TOMM40: variants seen among roughly 807,000 people sequenced by gnomAD.
TOMM40 encodes the protein mitochondrial import receptor subunit TOM40 homolog.
In TOMM40, 9 loss-of-function variants were observed where a neutral mutation model predicts 38.4. The observed-to-expected ratio is 0.23, with a 90% confidence interval of 0.14 to 0.41. The LOEUF is 0.41. Ranked by LOEUF, TOMM40 falls within the 10% of genes least tolerant of loss-of-function variation. The pLI is 1.00. For synonymous variants in TOMM40, 184 were observed against 210.0 expected, an observed-to-expected ratio of 0.88 and a Z score of 1.07; for missense variants, 299 against 486.5, an observed-to-expected ratio of 0.61 and a Z score of 3.63.
At position 44,903,226 on chromosome 19, in the gene TOMM40, C is replaced by G; in HGVS notation, c.*57C>G. ...CGATTCCACCTCCACCTCCACCTCC[C>G]CCTGCCACAGAGGGGAGACCTGAGC... On this transcript the variant is annotated 3_prime_UTR_variant, in exon 9 of 9. Coordinates refer to ENST00000426677, the MANE Select transcript of TOMM40 (RefSeq NM_001128917.2). The G allele has an allele frequency of 6.4e-7, 1 of 1,550,742 alleles. No individual in the cohort carries two copies. Among genetic ancestry groups the G allele is most frequent in the Non-Finnish European group, 8.7e-7 (1 of 1,146,520 alleles).
intron 4 of TOMM40, 21 bp from the exon 5 acceptor site, chr19:44,893,940 C>T: frequency 6.3e-7 from 1 of 1,594,602 alleles, no homozygotes. Flanking sequence ...GAGCCGCCCT[C>T]ACACCCCCTC....
chr19:44,897,997 A>T (rs1056699688), intron 5 of TOMM40, among the ~76,000 whole-genome samples: 1 of 152,080 alleles, frequency 6.6e-6, no homozygotes, highest in African/African-American at 2.4e-5. Context: ...AAGGAGAGTC[A>T]CACAGTCGCT....
At chr19:44,901,414 C>T in intron 8 of TOMM40, 104 bp downstream of exon 8, 2 of 1,519,598 alleles carry the variant, frequency 1.3e-6, no homozygotes, top group Non-Finnish European at 1.8e-6. Flanking sequence ...TGCTGCCACC[C>T]TGTGGGCCTC....
intron 5 of TOMM40, among the ~76,000 whole-genome samples, chr19:44,898,511 CT>C (rs34896370): frequency 3.7e-4 from 36 of 98,524 alleles, no homozygotes; most frequent in South Asian, 2.5e-3. Context: ...TGTGTTGTTT[CT>C]TTTTTTTTTT....
chr19:44,894,410 C>T (rs574403266), intron 5 of TOMM40, among the ~76,000 whole-genome samples: 6 of 152,012 alleles, frequency 3.9e-5, no homozygotes, highest in African/African-American at 1.2e-4. Context: ...TACAGGCATG[C>T]GCTACCACGC....
intron 5 of TOMM40, among the ~76,000 whole-genome samples, chr19:44,894,888 C>A (rs927513662): frequency 7.9e-5 from 12 of 152,110 alleles, no homozygotes; most frequent in Non-Finnish European, 1.8e-4. Context: ...CTCACAGGAC[C>A]CTGCAGCTGG....
chr19:44,899,945 T>C (rs1169231379), intron 5 of TOMM40, among the ~76,000 whole-genome samples: 1 of 151,904 alleles, frequency 6.6e-6, no homozygotes. Context: ...GCCAGGCTTG[T>C]TTTCTTTCCC....
intron 5 of TOMM40, among the ~76,000 whole-genome samples, chr19:44,898,873 G>C (rs565772395): frequency 6.6e-6 from 1 of 151,640 alleles, no homozygotes; most frequent in African/African-American, 2.4e-5. Context: ...GGCCGGGCGC[G>C]GTGGCTCATG....
chr19:44,899,848 G>T (rs1392771622), intron 5 of TOMM40, among the ~76,000 whole-genome samples: 3 of 127,420 alleles, frequency 2.4e-5, no homozygotes, highest in Admixed American at 1.0e-4. Flanking sequence ...TCACCATGTT[G>T]CCCGGGCTGG....
In TOMM40 at chr19:44,891,466, G is replaced by A. The variant is rs1969461002; in HGVS notation, c.51G>A (p.Pro17=). ...CGCCGCCCGCAGGGCCGCCACCGCC[G>A]CCTGCGCCGGCCCTCGTGGGGCTGC... The part of the protein sequence containing the change: ...ASSPPAGPPP[P]PAPALVGLPP... Residue 17 remains proline, a synonymous_variant, in exon 1 of 9, where the codon CCG becomes CCA. Transcript: ENST00000426677. 1.6e-5 allele frequency: 21 copies of A among 1,301,894 alleles called. No individual in the cohort carries two copies. Among genetic ancestry groups the A allele is most frequent in the Non-Finnish European group, 2.0e-5 (21 of 1,031,478 alleles). The allele number at this position is 1,301,894 out of a possible 1,614,324, so 80.6% of individuals were successfully genotyped here.
chr19:44,898,525 C>CTTTTTTTTT (rs71173106), intron 5 of TOMM40, among the ~76,000 whole-genome samples: 122 of 88,990 alleles, frequency 1.4e-3, no homozygotes, highest in Non-Finnish European at 1.7e-3. Flanking sequence ...TTTTTTTTTT[C>CTTTTTTTTT]TTTTTTTTTT....
chr19:44,899,488 C>T (rs1969635921), intron 5 of TOMM40, among the ~76,000 whole-genome samples: 1 of 152,180 alleles, frequency 6.6e-6, no homozygotes, highest in South Asian at 2.1e-4. Flanking sequence ...TGTGCACCAC[C>T]TCACCCAACT....
At position 44,900,783 on chromosome 19, in the gene TOMM40, G is replaced by A; in HGVS notation, c.697G>A (p.Gly233Arg). 3 of 1,613,630 alleles carry A rather than the reference G, an allele frequency of 1.9e-6. No individual in the cohort carries two copies. Among genetic ancestry groups the A allele is most frequent in the Non-Finnish European group, 2.5e-6 (3 of 1,179,966 alleles). The stretch of plus-strand genomic sequence containing the variant: ...CATCACGCCTTGCCTGGCCCTGGGT[G>A]GAGAGCTGGTCTACCACCGGCGGCC... ...QSITPCLALGGELVYHRRPGE... is the reference protein window; with the variant it reads ...QSITPCLALGRELVYHRRPGE... The change falls in exon 6 of 9, where the codon GGA (glycine) becomes AGA (arginine). Residue 233 changes from glycine to arginine, a missense_variant. Physicochemically the swap from Gly to Arg is moderately radical, Grantham distance 125. Transcript: ENST00000426677.
rs1042516335 is a variant in TOMM40, at chr19:44,891,699, G to C, written c.274+10G>C. On this transcript the variant is annotated intron_variant, in intron 1 of 8. Coordinates refer to ENST00000426677, the MANE Select transcript of TOMM40 (RefSeq NM_001128917.2). Reference sequence around the variant, plus strand: ...CACCGGAAGTGCAAGGGTGAGGGGCGAGGGGCCCCCGCTGGGCTGCGATGG... The same window carrying C: ...CACCGGAAGTGCAAGGGTGAGGGGCCAGGGGCCCCCGCTGGGCTGCGATGG... The C allele has an allele frequency of 2.3e-5, 33 of 1,451,484 alleles. No homozygotes were observed. The African/African-American group carries it at 4.7e-4, about 21-fold the overall frequency. The allele number at this position is 1,451,484 out of a possible 1,614,324, so 89.9% of individuals were successfully genotyped here.
At chr19:44,892,352 G>A (rs749330608) in intron 1 of TOMM40, 41 bp from the exon 2 acceptor site, 2 of 1,591,900 alleles carry the variant, frequency 1.3e-6, no homozygotes, top group East Asian at 2.2e-5. Flanking sequence ...GAGAGTTGGT[G>A]TGGGGTTGGA....
In TOMM40 at chr19:44,892,845, C is replaced by T; in HGVS notation, c.351C>T (p.His117=). Residue 117 remains histidine (H), a synonymous_variant, in exon 3 of 9, where the codon CAC becomes CAT. Transcript: ENST00000426677. The part of the protein sequence containing the change: ...KGLSNHFQVN[H]TVALSTIGES... ...TCTCGCTTTCCTTCCAGGTCAACCA[C>T]ACAGTAGCCCTCAGCACAATCGGGG... 1 of 1,613,658 alleles carries T rather than the reference C, an allele frequency of 6.2e-7. No homozygotes were observed. Among genetic ancestry groups the T allele is most frequent in the Non-Finnish European group, 8.5e-7 (1 of 1,179,696 alleles).
intron 8 of TOMM40, chr19:44,902,824 A>G: frequency 1.7e-6 from 1 of 584,206 alleles, no homozygotes; most frequent in Non-Finnish European, 2.9e-6. Flanking sequence ...TTCAGAGGGC[A>G]GGGGTCACTG....
At chr19:44,892,805 C>T in intron 2 of TOMM40, 32 bp from the exon 3 acceptor site, 2 of 1,562,652 alleles carry the variant, frequency 1.3e-6, no homozygotes, top group Non-Finnish European at 1.8e-6. Flanking sequence ...CCTATCTGTC[C>T]AGTATCGTCA....
rs372353009 is a variant in TOMM40, at chr19:44,903,380, C to G, written c.*211C>G. On this transcript the variant is annotated 3_prime_UTR_variant, in exon 9 of 9. Transcript: ENST00000426677. The stretch of plus-strand genomic sequence containing the variant: ...TCGGGATTCTGAGTAGCAGGGGCAG[C>G]ATGCCCAGTGGGCCTGGGGTCCCGG... The G allele has an allele frequency of 1.9e-6, 1 of 531,210 alleles. No homozygotes were observed. The highest frequency in any genetic ancestry group is 3.2e-6 in the Non-Finnish European group (1 of 308,872). The allele number at this position is 531,210 out of a possible 1,614,324, so 32.9% of individuals were successfully genotyped here.
Sources: allele counts gnomAD v4.1 joint callset (sites outside exome capture counted in the v4.1 genomes callset), GRCh38; gene constraint gnomAD v4.1.1; transcripts MANE v1.5; gene names NCBI Gene and HGNC (gene_info 2026-07-23, HGNC 2026-07-21).